SDK1: variants seen among roughly 807,000 people sequenced by gnomAD.
SDK1 encodes the protein sidekick cell adhesion molecule 1.
SDK1 carries 157 observed loss-of-function variants against 245.5 expected under a neutral mutation model. The observed-to-expected ratio is 0.64, with a 90% CI of 0.56 to 0.73. The LOEUF (loss-of-function observed/expected upper bound fraction) is 0.73. Among genes scored for constraint, SDK1 ranks in the 30% least tolerant of loss-of-function variants. The pLI is 0.00. For missense variants in SDK1, 3,583 were observed against 3,002.3 expected (o/e 1.19, Z -4.52); for synonymous variants, 1,647 against 1,278.5 (o/e 1.29, Z -6.15).
At chr7:4,221,483 C>G in intron 40 of SDK1, 119 bp downstream of exon 40, 1 of 1,300,874 alleles carries the variant, frequency 7.7e-7, no homozygotes, top group Non-Finnish European at 1.0e-6. Context: ...AAGCTGGGAC[C>G]AAGAGGGCGG....
At chr7:3,431,589 A>G (rs960713922) in intron 1 of SDK1, among the ~76,000 whole-genome samples, 1 of 152,132 alleles carries the variant, frequency 6.6e-6, no homozygotes, top group African/African-American at 2.4e-5. Flanking sequence ...ACAGTCCATG[A>G]AGTGGTGAGT....
chr7:3,912,051 T>C (rs1396311684), intron 5 of SDK1, among the ~76,000 whole-genome samples: 1 of 152,154 alleles, frequency 6.6e-6, no homozygotes, highest in Admixed American at 6.5e-5. Flanking sequence ...CCCTGTTCAC[T>C]TAGAACAAAG....
chr7:3,557,961 A>C (rs1288069535), intron 1 of SDK1, among the ~76,000 whole-genome samples: 1 of 152,152 alleles, frequency 6.6e-6, no homozygotes, highest in East Asian at 1.9e-4. Context: ...TTTAACAGCA[A>C]TTATCAGTAT....
intron 1 of SDK1, among the ~76,000 whole-genome samples, chr7:3,535,506 G>C (rs1303279113): frequency 6.6e-6 from 1 of 152,106 alleles, no homozygotes. Context: ...GCCAGGCTCA[G>C]TCATACTATT....
At chr7:3,771,798 C>A (rs370643937) in intron 4 of SDK1, among the ~76,000 whole-genome samples, 8 of 152,042 alleles carry the variant, frequency 5.3e-5, no homozygotes, top group African/African-American at 1.9e-4. Flanking sequence ...TGAATGTATA[C>A]TTCACTGCCA....
intron 5 of SDK1, among the ~76,000 whole-genome samples, chr7:3,939,455 T>G (rs1461866214): frequency 6.6e-6 from 1 of 152,204 alleles, no homozygotes; most frequent in African/African-American, 2.4e-5. Context: ...AGGAATTTTC[T>G]ATTTCGTGAA....
At position 4,174,230 on chromosome 7, in the gene SDK1, G is replaced by A. The variant is rs760973823; in HGVS notation, c.4809G>A (p.Arg1603=). ...GTGTGATGTCTTTGCAGCCTCCGAG[G>A]GACGAAAGCCTGAATGGCCTTCTTC... ...SSVLIQWQPP[R]DESLNGLLQG... The change falls in exon 33 of 45, where the codon AGG becomes AGA. Residue 1603 remains arginine (R), a synonymous_variant. Coordinates refer to ENST00000404826, the MANE Select transcript of SDK1 (RefSeq NM_152744.4). 1 of 1,614,058 alleles carries A rather than the reference G, an allele frequency of 6.2e-7. No homozygotes were observed. Among genetic ancestry groups the A allele is most frequent in the Admixed American group, 1.7e-5 (1 of 60,012 alleles).
chr7:3,987,182 C>T lies in SDK1; in HGVS notation c.1995-4C>T. ...TTTTTCCTTTTCATCCCATTCAATT[C>T]AAGTGAACTGCCTCATTCACCTCAG... On this transcript the variant is annotated splice_polypyrimidine_tract_variant and splice_region_variant and intron_variant, in intron 13 of 44. Transcript: ENST00000404826. 1.9e-6 allele frequency: 3 copies of T among 1,613,746 alleles called. No homozygotes were observed. Among genetic ancestry groups the T allele is most frequent in the Non-Finnish European group, 2.5e-6 (3 of 1,179,904 alleles).
At chr7:3,747,374 C>T (rs1021166714) in intron 4 of SDK1, among the ~76,000 whole-genome samples, 1 of 152,144 alleles carries the variant, frequency 6.6e-6, no homozygotes, top group South Asian at 2.1e-4. Flanking sequence ...GTGCTATTTT[C>T]TTGCAATATT....
intron 8 of SDK1, among the ~76,000 whole-genome samples, chr7:3,959,691 C>G (rs1046279065): frequency 6.6e-6 from 1 of 152,214 alleles, no homozygotes; most frequent in South Asian, 2.1e-4. Flanking sequence ...TGTCTGAGTT[C>G]TCTCACATAA....
At chr7:4,096,146 C>T (rs573559139) in intron 22 of SDK1, among the ~76,000 whole-genome samples, 3 of 152,340 alleles carry the variant, frequency 2.0e-5, no homozygotes, top group South Asian at 4.1e-4. Flanking sequence ...TTTATAAGCA[C>T]ATCAGGCAAT....
chr7:4,151,381 T>G (rs1780370941), intron 30 of SDK1, among the ~76,000 whole-genome samples: 1 of 152,166 alleles, frequency 6.6e-6, no homozygotes, highest in Admixed American at 6.5e-5. Context: ...GGGGCTTGTT[T>G]CCAGCAAGGC....
At chr7:3,646,982 G>A (rs1256009298) in intron 4 of SDK1, among the ~76,000 whole-genome samples, 2 of 152,200 alleles carry the variant, frequency 1.3e-5, no homozygotes, top group Non-Finnish European at 2.9e-5. Context: ...TGTTTAATGG[G>A]TACAGAGTTT....
At chr7:3,614,039 G>A (rs1317038136) in intron 1 of SDK1, among the ~76,000 whole-genome samples, 2 of 152,108 alleles carry the variant, frequency 1.3e-5, no homozygotes, top group African/African-American at 4.8e-5. Flanking sequence ...CTTAATACCT[G>A]GGTGATGAAA....
intron 1 of SDK1, among the ~76,000 whole-genome samples, chr7:3,556,210 A>T (rs1054059100): frequency 3.6e-5 from 5 of 140,574 alleles, no homozygotes; most frequent in Non-Finnish European, 6.2e-5. Context: ...TGTGATACAT[A>T]TACACGATGG....
chr7:4,201,231 C>G (rs1783862766), intron 35 of SDK1, among the ~76,000 whole-genome samples: 1 of 152,206 alleles, frequency 6.6e-6, no homozygotes, highest in Non-Finnish European at 1.5e-5. Flanking sequence ...AGGGTGATCC[C>G]TTTAAACCTC....
intron 1 of SDK1, among the ~76,000 whole-genome samples, chr7:3,337,014 A>G (rs899784795): frequency 3.3e-5 from 5 of 151,760 alleles, no homozygotes; most frequent in African/African-American, 7.3e-5. Context: ...ATAGGATACA[A>G]TTCATACCAA....
chr7:3,316,095 T>G (rs1174398828), intron 1 of SDK1, among the ~76,000 whole-genome samples: 1 of 152,210 alleles, frequency 6.6e-6, no homozygotes, highest in Non-Finnish European at 1.5e-5. Context: ...TGGTAGATAG[T>G]ATGCATAAAA....
intron 1 of SDK1, among the ~76,000 whole-genome samples, chr7:3,503,329 A>G (rs1475493856): frequency 6.6e-6 from 1 of 152,218 alleles, no homozygotes; most frequent in Admixed American, 6.5e-5. Context: ...TTTTCAGCTA[A>G]TGATGATTGA....
Sources: allele counts gnomAD v4.1 joint callset (sites outside exome capture counted in the v4.1 genomes callset), GRCh38; gene constraint gnomAD v4.1.1; transcripts MANE v1.5; gene names NCBI Gene and HGNC (gene_info 2026-07-23, HGNC 2026-07-21).